Variants in TBL1X observed in about 807,000 individuals in gnomAD.
The protein encoded by TBL1X is transducin beta like 1 X-linked, also known as F-box-like/WD repeat-containing protein TBL1X.
TBL1X carries 10 observed loss-of-function variants against 50.7 expected under a neutral mutation model. The ratio of observed to expected loss-of-function variants is 0.20; its 90% CI spans 0.12 to 0.33. The LOEUF (loss-of-function observed/expected upper bound fraction) is 0.33, where lower values mean the gene tolerates loss of function less well. TBL1X is among the 10% of genes least tolerant of loss of function. The pLI is 1.00. For missense variants in TBL1X, 340 were observed against 504.4 expected (o/e 0.67, Z 3.12); for synonymous variants, 190 against 214.7 (o/e 0.88, Z 1.01).
At chrX:9,557,344 G>T (rs978056934) in intron 2 of TBL1X, among the ~76,000 whole-genome samples, 1 of 112,174 alleles carries the variant, frequency 8.9e-6, no homozygotes, top group African/African-American at 3.2e-5. Flanking sequence ...TCTGCTTTAG[G>T]AAGAGTCACA....
chrX:9,655,373 T>C (rs1232113314), intron 5 of TBL1X, among the ~76,000 whole-genome samples: 3 of 111,263 alleles, frequency 2.7e-5, no homozygotes, highest in Non-Finnish European at 5.7e-5. Context: ...ATCACCCTCA[T>C]CTCTGTGTTC....
chrX:9,522,974 T>C (rs1455341505), intron 2 of TBL1X, among the ~76,000 whole-genome samples: 1 of 112,365 alleles, frequency 8.9e-6, no homozygotes, highest in Non-Finnish European at 1.9e-5. Context: ...GCAAGAGTTC[T>C]TGTGGTTTGG....
intron 11 of TBL1X, among the ~76,000 whole-genome samples, chrX:9,694,650 C>G (rs1181263286): frequency 8.1e-5 from 9 of 111,515 alleles, no homozygotes; most frequent in Non-Finnish European, 1.7e-4. Flanking sequence ...AGTCAGAGCT[C>G]TCTGTTCTTT....
At chrX:9,683,542 G>A (rs936047285) in intron 5 of TBL1X, among the ~76,000 whole-genome samples, 3 of 111,527 alleles carry the variant, frequency 2.7e-5, no homozygotes, top group Middle Eastern at 4.6e-3. Context: ...TGATACACTT[G>A]CCCCGCGTGC....
chrX:9,491,338 A>ATATATATATATATATATATATT (rs1328551249), intron 1 of TBL1X, among the ~76,000 whole-genome samples: 1 of 31,312 alleles, frequency 3.2e-5, no homozygotes, highest in Non-Finnish European at 5.6e-5. Context: ...ATATATATAT[A>ATATATATATATATATATATATT]TTTTTTTTTT....
In TBL1X at chrX:9,683,921, C is replaced by A. The variant is rs974171740; in HGVS notation, c.212-122C>A. 4.3e-5 allele frequency: 45 copies of A among 1,051,251 alleles called. No individual in the cohort carries two copies. The South Asian group carries it at 6.2e-4, about 14-fold the overall frequency. 86.6% of individuals were successfully genotyped at this position (1,051,251 alleles called of 1,213,427 possible). ...GAAGCATCCCTGGGCATTCTGCAGC[C>A]GTGTCTGTCCCTGCAAATTAAGTGT... On this transcript the variant is annotated intron_variant, in intron 5 of 17. Transcript: ENST00000645353.
At chrX:9,569,205 G>C (rs955998523) in intron 2 of TBL1X, among the ~76,000 whole-genome samples, 1 of 107,544 alleles carries the variant, frequency 9.3e-6, no homozygotes, top group Non-Finnish European at 1.9e-5. Flanking sequence ...TGTACTGTGT[G>C]TGTGTGATGT....
rs2081962926 is a variant in TBL1X, at chrX:9,494,681, A to G, written c.-200-7099A>G. Among the ~76,000 whole-genome samples, 3 of 112,129 alleles carry G rather than the reference A, an allele frequency of 2.7e-5. No individual in the cohort carries two copies. In the South Asian group the frequency reaches 1.1e-3, roughly 41 times the overall value. On this transcript the variant is annotated intron_variant, in intron 1 of 17. Coordinates refer to ENST00000645353, the MANE Select transcript of TBL1X (RefSeq NM_005647.4). ...CTTAAGTAGGCTTTGATCTCTTTTT[A>G]AAGGATTCCTTCCTGCCTGATACAT... is the stretch of plus-strand genomic sequence containing the variant.
chrX:9,517,264 C>T (rs1400049866), intron 2 of TBL1X, among the ~76,000 whole-genome samples: 1 of 111,030 alleles, frequency 9.0e-6, no homozygotes, highest in Admixed American at 9.6e-5. Context: ...GTAGCCTGCC[C>T]TGCCTTTGAC....
intron 2 of TBL1X, among the ~76,000 whole-genome samples, chrX:9,629,761 C>G (rs1341120839): frequency 2.7e-5 from 3 of 111,411 alleles, no homozygotes; most frequent in African/African-American, 6.5e-5. Flanking sequence ...GGATATTGGA[C>G]CAGACAGGCT....
chrX:9,468,872 G>A (rs181754734), intron 1 of TBL1X, among the ~76,000 whole-genome samples: 64 of 111,195 alleles, frequency 5.8e-4, no homozygotes, highest in African/African-American at 1.9e-3. Context: ...TTGAGACAGT[G>A]CAATTATTAT....
rs1228977179 is a variant in TBL1X, at chrX:9,574,669, G to A, written c.-130-65604G>A. Among the ~76,000 whole-genome samples, 4 of 110,033 alleles carry A rather than the reference G, an allele frequency of 3.6e-5. No individual in the cohort carries two copies. In the Middle Eastern group the frequency reaches 0.014, roughly 387 times the overall value. ...TTACCAATCACCGACCTTCTGAAACGAGCTTCTGTGGATACTGGGAAAGCA... is the reference window on the plus strand; with the variant it reads ...TTACCAATCACCGACCTTCTGAAACAAGCTTCTGTGGATACTGGGAAAGCA... On this transcript the variant is annotated intron_variant, in intron 2 of 17. Transcript: ENST00000645353.
At chrX:9,542,571 G>T (rs1410811294) in intron 2 of TBL1X, among the ~76,000 whole-genome samples, 3 of 111,575 alleles carry the variant, frequency 2.7e-5, no homozygotes, top group Non-Finnish European at 5.6e-5. Context: ...CTCTGCCTTG[G>T]CCCCGCCTCG....
chrX:9,696,501 A>G (rs2083132415), intron 11 of TBL1X, among the ~76,000 whole-genome samples: 1 of 112,901 alleles, frequency 8.9e-6, no homozygotes, highest in Non-Finnish European at 1.9e-5. Context: ...CTGGTTCTCT[A>G]TCTTCCTAGC....
rs921995381 is a variant in TBL1X, at chrX:9,575,113, C to G, written c.-130-65160C>G. 3.6e-5 allele frequency among the ~76,000 whole-genome samples: 4 copies of G among 111,183 alleles called. No individual in the cohort carries two copies. The South Asian group carries it at 1.5e-3, about 43-fold the overall frequency. ...GGAAACTTGCAGTCATGGCAGAAGG[C>G]GAAGAGGAGGCAAGACACATCTTAC... On this transcript the variant is annotated intron_variant, in intron 2 of 17. Coordinates refer to ENST00000645353, the MANE Select transcript of TBL1X (RefSeq NM_005647.4).
intron 2 of TBL1X, among the ~76,000 whole-genome samples, chrX:9,606,985 A>C (rs1222063474): frequency 8.9e-6 from 1 of 112,555 alleles, no homozygotes; most frequent in Non-Finnish European, 1.9e-5. Flanking sequence ...TTAGCTTCAA[A>C]AATTATCAAG....
Position 9,688,123 on chromosome X carries a change from C to T in TBL1X, c.464C>T (p.Ala155Val). Residue 155 changes from alanine to valine, a missense_variant, in exon 7 of 18, where the codon GCT (alanine) becomes GTT (valine). Physicochemically the swap from Ala to Val is moderately conservative, Grantham distance 64 (BLOSUM62 0). Around this residue, in one of 6 missense-constraint regions of TBL1X, gnomAD observed 99 missense variants for 93.3 expected, o/e 1.06. Transcript: ENST00000645353. ...CAGCAGGCATTCCGAGAGAAGCTCG[C>T]TCAGCAGCAAGCCAGTGCGGCGGCG... ...TRQQAFREKL[A>V]QQQASAAAAA... 8.3e-7 allele frequency: 1 copy of T among 1,209,192 alleles called. No individual in the cohort carries two copies. The highest frequency in any genetic ancestry group is 3.0e-5 in the East Asian group (1 of 33,657).
At chrX:9,597,602 G>A (rs1374889424) in intron 2 of TBL1X, among the ~76,000 whole-genome samples, 1 of 112,431 alleles carries the variant, frequency 8.9e-6, no homozygotes, top group East Asian at 2.8e-4. Context: ...AAAGCTACAG[G>A]CGCTGACAGA....
chrX:9,641,351 T>C (rs1346242032), intron 3 of TBL1X, among the ~76,000 whole-genome samples: 1 of 112,050 alleles, frequency 8.9e-6, no homozygotes, highest in Non-Finnish European at 1.9e-5. Flanking sequence ...GTTATCTTAC[T>C]ACCTTTCGGT....
Sources: allele counts gnomAD v4.1 joint callset (sites outside exome capture counted in the v4.1 genomes callset), GRCh38; gene constraint gnomAD v4.1.1; regional missense constraint gnomAD v4.1.1; transcripts MANE v1.5; gene names NCBI Gene and HGNC (gene_info 2026-07-23, HGNC 2026-07-21).